The following AIMP1 variants were observed in gnomAD, a reference collection of about 807,000 sequenced individuals.
AIMP1 encodes the protein aminoacyl tRNA synthetase complex interacting multifunctional protein 1, also known as aminoacyl tRNA synthase complex-interacting multifunctional protein 1.
A neutral mutation model predicts 33.1 loss-of-function variants in AIMP1; 24 were observed. The observed-to-expected ratio is 0.73, with a 90% CI of 0.53 to 1.02. AIMP1 has a LOEUF of 1.02. Among genes scored for constraint, AIMP1 ranks in the 50% least tolerant of loss-of-function variants. AIMP1 has a pLI of 0.00. For missense variants in AIMP1, 367 were observed against 364.8 expected (o/e 1.01, Z -0.05); for synonymous variants, 120 against 121.5 (o/e 0.99, Z 0.08).
chr4:106,345,165 T>C (rs1247081781), intron 6 of AIMP1, among the ~76,000 whole-genome samples: 1 of 152,218 alleles, frequency 6.6e-6, no homozygotes, highest in Non-Finnish European at 1.5e-5. Flanking sequence ...TTGTGCTGCA[T>C]CACAGCTTTT....
In AIMP1 at chr4:106,338,923, G is replaced by A. The variant is rs138847388; in HGVS notation, c.772+1886G>A. Among the ~76,000 whole-genome samples, 6 of 152,318 alleles carry A rather than the reference G, an allele frequency of 3.9e-5. No individual in the cohort carries two copies. The East Asian group carries it at 5.8e-4, about 15-fold the overall frequency. On this transcript the variant is annotated intron_variant, in intron 6 of 6. Transcript: ENST00000672341. Reference sequence around the variant, plus strand: ...CACCTGTTGCATCAGCATGACCTGCGTGTGAGACATGGCGTCAAAGGAGAT... The same window carrying A: ...CACCTGTTGCATCAGCATGACCTGCATGTGAGACATGGCGTCAAAGGAGAT...
intron 3 of AIMP1, among the ~76,000 whole-genome samples, chr4:106,327,862 G>A (rs1769513543): frequency 2.0e-5 from 3 of 152,016 alleles, no homozygotes; most frequent in Non-Finnish European, 4.4e-5. Context: ...TGATTAAATG[G>A]GAATCATGCC....
Position 106,347,851 on chromosome 4 carries a change from G to A in AIMP1, c.*159G>A. ...TGGTATATATTGTTTTCATTGATTG[G>A]GGAAACACTAGATTTTTACCTCGGT... On this transcript the variant is annotated 3_prime_UTR_variant, in exon 7 of 7. Transcript: ENST00000672341. 1.5e-6 allele frequency: 1 copy of A among 667,570 alleles called. No individual in the cohort carries two copies. The highest frequency in any genetic ancestry group is 2.3e-6 in the Non-Finnish European group (1 of 425,766). The allele number at this position is 667,570 out of a possible 1,614,324, so 41.4% of individuals were successfully genotyped here. A position where few individuals can be genotyped will look rare whatever the true frequency, so the allele number is the denominator to read the frequency against.
intron 5 of AIMP1, among the ~76,000 whole-genome samples, chr4:106,335,150 A>G (rs1363581773): frequency 6.6e-6 from 1 of 152,190 alleles, no homozygotes; most frequent in Non-Finnish European, 1.5e-5. Flanking sequence ...CTAGGAAAAA[A>G]GAAGTAGACT....
chr4:106,349,237 G>A lies in AIMP1; in HGVS notation c.*1545G>A. 1 of 151,622 alleles carries A rather than the reference G, an allele frequency of 6.6e-6. No homozygotes were observed. Among genetic ancestry groups the A allele is most frequent in the East Asian group, 1.9e-4 (1 of 5,162 alleles). 9.4% of individuals were successfully genotyped at this position (151,622 alleles called of 1,614,324 possible). A position where few individuals can be genotyped will look rare whatever the true frequency, so the allele number is the denominator to read the frequency against. On this transcript the variant is annotated 3_prime_UTR_variant, in exon 7 of 7. Coordinates refer to ENST00000672341, the MANE Select transcript of AIMP1 (RefSeq NM_001142416.2). ...CTTCTGGTGACAAAGTCTTTTGTGA[G>A]TTTTTTGCTCTAATTTTTCTCAATT...
At position 106,327,531 on chromosome 4, in the gene AIMP1, CAA is replaced by C. The variant is rs766457850; in HGVS notation, c.191_192del (p.Gln64ArgfsTer25). On this transcript the variant is annotated frameshift_variant, in exon 3 of 7. Coordinates refer to ENST00000672341, the MANE Select transcript of AIMP1 (RefSeq NM_001142416.2). LOFTEE classifies it high-confidence loss of function. ...KLKKEIEELKQELIQAEIQNG... is the reference protein window; with the variant it reads ...KLKKEIEELKXELIQAEIQNG... ...GAAGAAAGAAATTGAAGAACTGAAA[CAA>C]GAGCTAATTCAGGCAGAAATTCAAA... 1.3e-5 allele frequency: 21 copies of C among 1,612,336 alleles called. No individual in the cohort carries two copies. The highest frequency in any genetic ancestry group is 2.7e-5 in the African/African-American group (2 of 74,850).
At chr4:106,346,622 T>G (rs1770311439) in intron 6 of AIMP1, among the ~76,000 whole-genome samples, 1 of 152,152 alleles carries the variant, frequency 6.6e-6, no homozygotes, top group African/African-American at 2.4e-5. Flanking sequence ...TTATCATCAT[T>G]AGCTAGAGAA....
At chr4:106,322,582 C>T (rs1489836573) in intron 1 of AIMP1, among the ~76,000 whole-genome samples, 3 of 152,196 alleles carry the variant, frequency 2.0e-5, no homozygotes, top group Non-Finnish European at 2.9e-5. Flanking sequence ...TGTTAACACA[C>T]AGACGTAACT....
rs546344847 is a variant in AIMP1, at chr4:106,320,754, C to G, written c.-26+4160C>G. 4.6e-5 allele frequency among the ~76,000 whole-genome samples: 7 copies of G among 152,030 alleles called. No individual in the cohort carries two copies. In the South Asian group the frequency reaches 1.5e-3, roughly 32 times the overall value. ...TAAATTAAGAAAAGTATAGCCCTCT[C>G]CCTCTCCCTCTCCCTCTCCGCACCG... On this transcript the variant is annotated intron_variant, in intron 1 of 6. Coordinates refer to ENST00000672341, the MANE Select transcript of AIMP1 (RefSeq NM_001142416.2).
At chr4:106,328,294 T>C in intron 4 of AIMP1, 51 bp downstream of exon 4, 3 of 1,536,004 alleles carry the variant, frequency 2.0e-6, no homozygotes, top group Non-Finnish European at 1.8e-6. Flanking sequence ...TATCAGAAAA[T>C]GTCAAGTTTT....
chr4:106,322,195 T>C (rs1354170450), intron 1 of AIMP1, among the ~76,000 whole-genome samples: 1 of 152,004 alleles, frequency 6.6e-6, no homozygotes, highest in Non-Finnish European at 1.5e-5. Flanking sequence ...CCTTTGTTCA[T>C]ATGTTTATCT....
intron 6 of AIMP1, among the ~76,000 whole-genome samples, chr4:106,340,319 A>G (rs999161684): frequency 1.3e-5 from 2 of 151,224 alleles, no homozygotes; most frequent in African/African-American, 2.4e-5. Flanking sequence ...GGCTCAAGGG[A>G]TACAGATTTC....
intron 6 of AIMP1, among the ~76,000 whole-genome samples, chr4:106,337,944 TTTTGCTATAC>T (rs2125926634): frequency 6.6e-6 from 1 of 152,330 alleles, no homozygotes; most frequent in East Asian, 1.9e-4. Context: ...CAAAAGTGAC[TTTTGCTATAC>T]TTTAGCAAAG....
rs114346154 is a variant in AIMP1, at chr4:106,325,273, A to G, written c.109+155A>G. On this transcript the variant is annotated intron_variant, in intron 2 of 6. Transcript: ENST00000672341. ...TCAAACCTGAATTTCTACCTTCAGG[A>G]CTTCAGTTGGCTTTGGTTTTGTTTG... is the stretch of plus-strand genomic sequence containing the variant. Among the ~76,000 whole-genome samples the G allele has an allele frequency of 9.7e-3, 1,473 of 152,142 alleles. 16 individuals carry two copies. The highest frequency in any genetic ancestry group is 0.016 in the Non-Finnish European group (1,071 of 67,914).
chr4:106,317,718 C>T (rs1310831355), intron 1 of AIMP1, among the ~76,000 whole-genome samples: 4 of 152,114 alleles, frequency 2.6e-5, no homozygotes, highest in African/African-American at 9.7e-5. Context: ...GTGGCAAACA[C>T]AAGTTAAAAT....
intron 1 of AIMP1, among the ~76,000 whole-genome samples, chr4:106,319,293 AG>A (rs1267976295): frequency 6.6e-6 from 1 of 152,132 alleles, no homozygotes; most frequent in African/African-American, 2.4e-5. Flanking sequence ...GTGGGTGGGG[AG>A]GACTACTGAG....
intron 5 of AIMP1, among the ~76,000 whole-genome samples, chr4:106,334,369 A>G (rs1769793756): frequency 6.6e-6 from 1 of 151,320 alleles, no homozygotes; most frequent in African/African-American, 2.4e-5. Context: ...GATTCAAGCA[A>G]TTCTCCTGCC....
chr4:106,343,209 A>G (rs1262630707), intron 6 of AIMP1, among the ~76,000 whole-genome samples: 1 of 152,170 alleles, frequency 6.6e-6, no homozygotes, highest in African/African-American at 2.4e-5. Context: ...ATTTGTGTGC[A>G]AAGAGATGTT....
intron 2 of AIMP1, among the ~76,000 whole-genome samples, chr4:106,325,345 C>T (rs985845302): frequency 1.1e-4 from 16 of 151,936 alleles, no homozygotes; most frequent in African/African-American, 3.9e-4. Context: ...ATAGAAATTT[C>T]AAAATCTTTT....
Sources: allele counts gnomAD v4.1 joint callset (sites outside exome capture counted in the v4.1 genomes callset), GRCh38; gene constraint gnomAD v4.1.1; transcripts MANE v1.5; gene names NCBI Gene and HGNC (gene_info 2026-07-23, HGNC 2026-07-21).